Variants in SORBS2 observed in about 807,000 individuals in gnomAD.
SORBS2 encodes sorbin and SH3 domain containing 2, also known as sorbin and SH3 domain-containing protein 2.
SORBS2 carries 46 observed loss-of-function variants against 97.7 expected under a neutral mutation model. That is an observed-to-expected ratio of 0.47 (90% CI 0.37 to 0.60). SORBS2 has a LOEUF of 0.60. Among genes scored for constraint, SORBS2 ranks in the 20% least tolerant of loss-of-function variants. The pLI is 0.00. For synonymous variants in SORBS2, 476 were observed against 473.4 expected (o/e 1.01, Z -0.07); for missense variants, 1,316 against 1,282.3 (o/e 1.03, Z -0.40).
intron 4 of SORBS2, 111 bp downstream of exon 15, chr4:185,637,968 T>C (rs2153443660): frequency 1.4e-6 from 1 of 726,922 alleles, no homozygotes; most frequent in Non-Finnish European, 2.5e-6. Flanking sequence ...GTATACATTA[T>C]GCATTCGGCC....
chr4:185,731,856 CTCTCTCTCTCTATATATA>C (rs1411898942), intron 2 of SORBS2, among the ~76,000 whole-genome samples: 68 of 35,278 alleles, frequency 1.9e-3, no homozygotes, highest in African/African-American at 3.2e-3. Context: ...CTCTCTCTCT[CTCTCTCTCTCTATATATA>C]TATATATATA....
At chr4:185,782,012 A>G (rs1236695918) in intron 1 of SORBS2, among the ~76,000 whole-genome samples, 2 of 152,308 alleles carry the variant, frequency 1.3e-5, no homozygotes, top group African/African-American at 2.4e-5. Flanking sequence ...TGCCCCTCAC[A>G]TGACTTACAT....
Position 185,713,568 on chromosome 4 carries a change from A to G in SORBS2, c.-197-34746T>C, listed in dbSNP as rs1196424973. On this transcript the variant is annotated intron_variant, in intron 2 of 20. Transcript: ENST00000284776. ...TCGTGTGGCTCTACACAGGGTAGTT[A>G]GGGGAAGGGATGAGTATTACAAGTT... is the stretch of plus-strand genomic sequence containing the variant. Among the ~76,000 whole-genome samples the G allele has an allele frequency of 2.0e-5, 3 of 152,312 alleles. No individual in the cohort carries two copies. In the East Asian group the frequency reaches 5.8e-4, roughly 29 times the overall value.
chr4:185,588,593 C>CCTCCTCCTCCTCCCTCCTCCTCCCTCCT (rs1554048144), intron 14 of SORBS2, among the ~76,000 whole-genome samples: 1 of 65,228 alleles, frequency 1.5e-5, no homozygotes. Context: ...CGTTTCTCCT[C>CCTCCTCCTCCTCCCTCCTCCTCCCTCCT]CCTCCTCCTC....
At chr4:185,938,367 C>T (rs1410421298) in intron 1 of SORBS2, among the ~76,000 whole-genome samples, 1 of 148,006 alleles carries the variant, frequency 6.8e-6, no homozygotes, top group Non-Finnish European at 1.5e-5. Flanking sequence ...AGGATCCTCT[C>T]ACCCAGAAAA....
intron 1 of SORBS2, among the ~76,000 whole-genome samples, chr4:185,907,549 T>A (rs1457694725): frequency 1.3e-5 from 2 of 152,250 alleles, no homozygotes; most frequent in Non-Finnish European, 2.9e-5. Flanking sequence ...TGGAGAGCTT[T>A]GCTTCTTGCC....
At chr4:185,827,186 C>CCAT (rs144601964) in intron 1 of SORBS2, among the ~76,000 whole-genome samples, 1 of 49,324 alleles carries the variant, frequency 2.0e-5, no homozygotes, top group African/African-American at 5.5e-5. Context: ...ATCAGAATCA[C>CCAT]CATCATCATC....
intron 4 of SORBS2, 29 bp downstream of exon 16, chr4:185,635,326 C>T (rs370037803): frequency 6.5e-7 from 1 of 1,529,722 alleles, no homozygotes; most frequent in Admixed American, 1.7e-5. Flanking sequence ...AGGGAGATAT[C>T]TGAAAAAGAG....
chr4:185,822,590 T>C (rs1279473961), intron 1 of SORBS2, among the ~76,000 whole-genome samples: 1 of 152,244 alleles, frequency 6.6e-6, no homozygotes, highest in Non-Finnish European at 1.5e-5. Context: ...AAGAAGTATA[T>C]GAATGATAAT....
intron 1 of SORBS2, among the ~76,000 whole-genome samples, chr4:185,822,186 C>T (rs980669125): frequency 1.3e-5 from 2 of 152,206 alleles, no homozygotes; most frequent in Non-Finnish European, 2.9e-5. Context: ...CAGTATTCAG[C>T]TCTTCTGAAT....
At position 185,861,991 on chromosome 4, in the gene SORBS2, A is replaced by T. The variant is rs186203727; in HGVS notation, c.-337-86625T>A. On this transcript the variant is annotated intron_variant, in intron 1 of 20. Coordinates refer to the SORBS2 transcript ENST00000284776. ...CTGGGCAAGGCTGGCAATAGTCCGGATGAGAGATGACGGTGGCATGAACAA... is the reference window on the plus strand; with the variant it reads ...CTGGGCAAGGCTGGCAATAGTCCGGTTGAGAGATGACGGTGGCATGAACAA... Among the ~76,000 whole-genome samples the T allele has an allele frequency of 1.9e-3, 293 of 152,340 alleles. 1 individual carries two copies. The highest frequency in any genetic ancestry group is 0.017 in the Admixed American group (257 of 15,304).
At chr4:185,842,178 G>A (rs1354959803) in intron 1 of SORBS2, among the ~76,000 whole-genome samples, 1 of 152,082 alleles carries the variant, frequency 6.6e-6, no homozygotes, top group African/African-American at 2.4e-5. Context: ...CGATGTGTAG[G>A]TGGTAGAGTG....
chr4:185,646,790 TA>T lies in SORBS2; in HGVS notation c.282-9del. On this transcript the variant is annotated splice_polypyrimidine_tract_variant and intron_variant, in intron 3 of 14. Coordinates refer to ENST00000418609, the Ensembl canonical transcript of SORBS2. ...GGAGGATCCCAGTCATGCCTAGAAA[TA>T]AACAATAAATCACACATTAAAATAA... The T allele has an allele frequency of 1.3e-6, 2 of 1,492,314 alleles. No individual in the cohort carries two copies. The highest frequency in any genetic ancestry group is 1.9e-6 in the Non-Finnish European group (2 of 1,068,870). 92.4% of individuals were successfully genotyped at this position (1,492,314 alleles called of 1,614,324 possible).
At chr4:185,652,033 T>C (rs781199153) in intron 2 of SORBS2, among the ~76,000 whole-genome samples, 3 of 152,108 alleles carry the variant, frequency 2.0e-5, no homozygotes, top group Admixed American at 6.5e-5. Context: ...GTGGTGATCA[T>C]TGCTTACTGC....
rs531418859 is a variant in SORBS2 at position 185,678,839 on chromosome 4, T to C, written c.-197-17A>G. 5 of 1,414,446 alleles carry C rather than the reference T, an allele frequency of 3.5e-6. No individual in the cohort carries two copies. Among genetic ancestry groups the C allele is most frequent in the Non-Finnish European group, 4.7e-6 (5 of 1,065,038 alleles). 87.6% of individuals were successfully genotyped at this position (1,414,446 alleles called of 1,614,324 possible). ...AATCACGCCCTGAAAGAAAAAAAAA[T>C]GTTGAAATTAAGACTAAGGTGAAAT... On this transcript the variant is annotated splice_polypyrimidine_tract_variant and intron_variant, in intron 2 of 20. Transcript: ENST00000284776.
chr4:185,667,676 A>AT (rs1422870389), intron 4 of SORBS2, among the ~76,000 whole-genome samples: 1 of 47,570 alleles, frequency 2.1e-5, no homozygotes, highest in Non-Finnish European at 4.2e-5. Context: ...AAACATAGTC[A>AT]TTTTAAATGT....
chr4:185,626,296 T>C (rs1377119641), intron 6 of SORBS2, among the ~76,000 whole-genome samples: 1 of 152,252 alleles, frequency 6.6e-6, no homozygotes. Context: ...AGGAGGTGGA[T>C]GCTCCACTGT....
At chr4:185,799,517 TAC>T (rs987096915) in intron 1 of SORBS2, among the ~76,000 whole-genome samples, 2 of 152,202 alleles carry the variant, frequency 1.3e-5, no homozygotes, top group African/African-American at 4.8e-5. Flanking sequence ...CGCTGAGACT[TAC>T]ACTTCACACG....
chr4:185,931,332 A>C (rs554991360), intron 1 of SORBS2, among the ~76,000 whole-genome samples: 1 of 152,276 alleles, frequency 6.6e-6, no homozygotes, highest in South Asian at 2.1e-4. Flanking sequence ...AATTATAATA[A>C]CTCTTTTACT....
Sources: gnomAD v4.1 joint callset for allele counts (sites outside exome capture counted in the v4.1 genomes callset) on GRCh38, gnomAD v4.1.1 for gene constraint, MANE v1.5 for transcripts, NCBI Gene and HGNC (gene_info 2026-07-23, HGNC 2026-07-21) for gene names.